TMEM108: variants seen among roughly 807,000 people sequenced by gnomAD.
TMEM108 encodes cancer/testis antigen 124.
A neutral mutation model predicts 35.1 loss-of-function variants in TMEM108; 12 were observed. That is an observed-to-expected ratio of 0.34 (90% confidence interval 0.22 to 0.55). The LOEUF (loss-of-function observed/expected upper bound fraction) is 0.55, where lower values mean the gene tolerates loss of function less well. TMEM108 is among the 20% of genes least tolerant of loss of function. The probability of loss-of-function intolerance (pLI) is 0.89; values close to 1 mark genes in which losing one functional copy is unlikely to be tolerated. For synonymous variants in TMEM108, 287 were observed against 308.6 expected (o/e 0.93, Z 0.73); for missense variants, 680 against 753.3 (o/e 0.90, Z 1.14).
At chr3:133,102,152 C>G (rs1290914427) in intron 2 of TMEM108, among the ~76,000 whole-genome samples, 1 of 152,208 alleles carries the variant, frequency 6.6e-6, no homozygotes, top group African/African-American at 2.4e-5. Flanking sequence ...ACACATGCCC[C>G]TCAACTGGGA....
intron 2 of TMEM108, among the ~76,000 whole-genome samples, chr3:133,166,433 G>T (rs1231641940): frequency 6.6e-6 from 1 of 152,246 alleles, no homozygotes; most frequent in Non-Finnish European, 1.5e-5. Context: ...CTGACTTCAA[G>T]AATGAAGCCG....
chr3:133,313,347 A>AG (rs2071157992), intron 3 of TMEM108, among the ~76,000 whole-genome samples: 1 of 151,820 alleles, frequency 6.6e-6, no homozygotes, highest in Non-Finnish European at 1.5e-5. Flanking sequence ...ACAGTTGCCC[A>AG]CCACCACGCC....
chr3:133,388,847 G>A (rs1471601083), intron 4 of TMEM108: 2 of 985,690 alleles, frequency 2.0e-6, no homozygotes, highest in Non-Finnish European at 2.4e-6. Flanking sequence ...CCACACCCTG[G>A]CATGAACCCA....
At chr3:133,068,450 C>T (rs577510880) in intron 2 of TMEM108, among the ~76,000 whole-genome samples, 1 of 152,136 alleles carries the variant, frequency 6.6e-6, no homozygotes, top group Non-Finnish European at 1.5e-5. Flanking sequence ...GGCTGGAAGG[C>T]AGATGCTTGT....
chr3:133,052,411 A>G (rs1943415783), intron 2 of TMEM108, among the ~76,000 whole-genome samples: 1 of 151,960 alleles, frequency 6.6e-6, no homozygotes, highest in African/African-American at 2.4e-5. Context: ...TACCCAGGTG[A>G]TCATATTATA....
chr3:133,158,189 G>T (rs985480273), intron 2 of TMEM108, among the ~76,000 whole-genome samples: 1 of 152,086 alleles, frequency 6.6e-6, no homozygotes, highest in African/African-American at 2.4e-5. Context: ...GGTTAGATGG[G>T]CTAGGTGTGG....
intron 2 of TMEM108, among the ~76,000 whole-genome samples, chr3:133,189,788 CA>C (rs1945472818): frequency 6.6e-6 from 1 of 151,984 alleles, no homozygotes; most frequent in South Asian, 2.1e-4. Flanking sequence ...TAAAGGCGGC[CA>C]AAAGTAGGGA....
intron 2 of TMEM108, among the ~76,000 whole-genome samples, chr3:133,107,770 C>T (rs573145531): frequency 5.9e-5 from 9 of 152,202 alleles, no homozygotes; most frequent in African/African-American, 2.2e-4. Context: ...GTCACTGAAC[C>T]GCTATAGCCT....
At chr3:133,137,195 TATCTC>T (rs1251064584) in intron 2 of TMEM108, among the ~76,000 whole-genome samples, 1 of 152,100 alleles carries the variant, frequency 6.6e-6, no homozygotes, top group Admixed American at 6.6e-5. Context: ...GTACCTAAAT[TATCTC>T]ATTTAATCTA....
intron 3 of TMEM108, among the ~76,000 whole-genome samples, chr3:133,254,705 C>T (rs2107670975): frequency 6.6e-6 from 1 of 152,318 alleles, no homozygotes; most frequent in Admixed American, 6.5e-5. Flanking sequence ...TTGATATTCT[C>T]ATAATCTATT....
At chr3:133,186,579 A>G (rs555027439) in intron 2 of TMEM108, among the ~76,000 whole-genome samples, 10 of 152,314 alleles carry the variant, frequency 6.6e-5, no homozygotes, top group Admixed American at 2.0e-4. Flanking sequence ...GGAAACAGAA[A>G]TGTCAGTCTG....
chr3:133,168,018 A>G (rs1291865822), intron 2 of TMEM108, among the ~76,000 whole-genome samples: 1 of 152,030 alleles, frequency 6.6e-6, no homozygotes, highest in Non-Finnish European at 1.5e-5. Flanking sequence ...ATAATTTGGT[A>G]TCTTAGTGCC....
In TMEM108 at chr3:133,074,642, C is replaced by G. The variant is rs1239905654; in HGVS notation, c.-47+28622C>G. 2.6e-5 allele frequency among the ~76,000 whole-genome samples: 4 copies of G among 152,186 alleles called. No individual in the cohort carries two copies. In the East Asian group the frequency reaches 7.7e-4, roughly 29 times the overall value. On this transcript the variant is annotated intron_variant, in intron 2 of 5. Transcript: ENST00000321871. Reference sequence around the variant, plus strand: ...GTAGCTGGGATTACAGCATGTGCTACCACACCCAGCTAATTTTTGTATTTT... The same window carrying G: ...GTAGCTGGGATTACAGCATGTGCTAGCACACCCAGCTAATTTTTGTATTTT...
chr3:133,365,308 G>A (rs543138730), intron 3 of TMEM108, among the ~76,000 whole-genome samples: 1 of 152,146 alleles, frequency 6.6e-6, no homozygotes, highest in African/African-American at 2.4e-5. Flanking sequence ...TCCCAACCCT[G>A]CCAGCTTATA....
chr3:133,316,430 A>G (rs539549106), intron 3 of TMEM108, among the ~76,000 whole-genome samples: 14 of 152,216 alleles, frequency 9.2e-5, no homozygotes, highest in Non-Finnish European at 1.6e-4. Flanking sequence ...AAGAGGCTAT[A>G]TCTTTAGCAT....
At chr3:133,099,816 C>T (rs569000484) in intron 2 of TMEM108, among the ~76,000 whole-genome samples, 2 of 152,314 alleles carry the variant, frequency 1.3e-5, no homozygotes, top group Admixed American at 6.5e-5. Context: ...TCACTATCAG[C>T]ATTTTTGTCA....
rs149890578 is a variant in TMEM108 at position 133,055,452 on chromosome 3, A to C, written c.-47+9432A>C. ...CTCTCCAGGGTATAGAGAGATTCTG[A>C]AAGATGGCCAAGAGCCAGGGATCCT... On this transcript the variant is annotated intron_variant, in intron 2 of 5. Transcript: ENST00000321871. 2.4e-3 allele frequency among the ~76,000 whole-genome samples: 362 copies of C among 152,352 alleles called. 3 individuals carry two copies. The highest frequency in any genetic ancestry group is 8.2e-3 in the African/African-American group (341 of 41,590).
At chr3:133,273,960 G>A (rs754862291) in intron 3 of TMEM108, among the ~76,000 whole-genome samples, 21 of 152,146 alleles carry the variant, frequency 1.4e-4, no homozygotes, top group Non-Finnish European at 2.5e-4. Context: ...ATCCTTCGGG[G>A]CTTATTTTCT....
intron 3 of TMEM108, among the ~76,000 whole-genome samples, chr3:133,270,954 A>G (rs935016821): frequency 6.6e-6 from 1 of 152,056 alleles, no homozygotes; most frequent in Non-Finnish European, 1.5e-5. Context: ...TTGCTAATGA[A>G]ATTATTGAAG....
Sources: allele counts gnomAD v4.1 joint callset (sites outside exome capture counted in the v4.1 genomes callset), GRCh38; gene constraint gnomAD v4.1.1; transcripts MANE v1.5; gene names NCBI Gene and HGNC (gene_info 2026-07-23, HGNC 2026-07-21).